Variants in CNTN5 observed in about 807,000 individuals in gnomAD.
CNTN5 encodes the protein contactin 5.
A neutral mutation model predicts 129.1 loss-of-function variants in CNTN5; 77 were observed. The observed-to-expected ratio is 0.60, with a 90% CI of 0.50 to 0.72. The LOEUF is 0.72. Among genes scored for constraint, CNTN5 ranks in the 30% least tolerant of loss-of-function variants. The probability of loss-of-function intolerance (pLI) is 0.00; values close to 1 mark genes in which losing one functional copy is unlikely to be tolerated. For missense variants in CNTN5, 1,478 were observed against 1,328.8 expected (o/e 1.11, Z -1.75); for synonymous variants, 509 against 465.6 (o/e 1.09, Z -1.20).
intron 2 of CNTN5, among the ~76,000 whole-genome samples, chr11:99,495,992 A>T (rs1591163151): frequency 6.6e-6 from 1 of 152,196 alleles, no homozygotes; most frequent in Non-Finnish European, 1.5e-5. Context: ...AAGAAGAGCA[A>T]TGTGGGAAAG....
intron 1 of CNTN5, among the ~76,000 whole-genome samples, chr11:99,159,437 G>A (rs898603746): frequency 2.6e-5 from 4 of 151,996 alleles, no homozygotes; most frequent in African/African-American, 7.2e-5. Context: ...CCTGGCTAAC[G>A]CGGTGAAGCC....
At chr11:100,007,929 T>C (rs573616886) in intron 9 of CNTN5, among the ~76,000 whole-genome samples, 1 of 152,074 alleles carries the variant, frequency 6.6e-6, no homozygotes, top group Non-Finnish European at 1.5e-5. Flanking sequence ...TCCTTTCACT[T>C]GAACACTTAG....
intron 7 of CNTN5, among the ~76,000 whole-genome samples, chr11:99,949,963 A>G (rs1456832030): frequency 2.0e-5 from 3 of 152,210 alleles, no homozygotes; most frequent in Non-Finnish European, 4.4e-5. Flanking sequence ...TCTTGGTGAC[A>G]TAATTATGAA....
intron 2 of CNTN5, among the ~76,000 whole-genome samples, chr11:99,473,898 C>T (rs926583207): frequency 2.6e-5 from 4 of 152,016 alleles, no homozygotes; most frequent in Non-Finnish European, 5.9e-5. Flanking sequence ...AAATAATCAG[C>T]TTGCCACACT....
intron 2 of CNTN5, among the ~76,000 whole-genome samples, chr11:99,426,597 C>T (rs1943131462): frequency 6.6e-6 from 1 of 152,114 alleles, no homozygotes; most frequent in South Asian, 2.1e-4. Context: ...GACACACTGG[C>T]ACAAATGCTG....
intron 3 of CNTN5, among the ~76,000 whole-genome samples, chr11:99,788,957 A>G (rs1304104166): frequency 1.8e-4 from 28 of 151,896 alleles, no homozygotes; most frequent in Admixed American, 1.8e-3. Flanking sequence ...GAGCCTCTCA[A>G]AATCTAGTAG....
chr11:100,149,298 T>C (rs754701428), intron 13 of CNTN5, among the ~76,000 whole-genome samples: 5 of 152,094 alleles, frequency 3.3e-5, no homozygotes, highest in African/African-American at 9.7e-5. Flanking sequence ...ACCTTGAAAA[T>C]AGCTAAATGA....
intron 2 of CNTN5, among the ~76,000 whole-genome samples, chr11:99,362,602 A>C (rs997109686): frequency 7.2e-5 from 11 of 151,780 alleles, no homozygotes; most frequent in African/African-American, 2.4e-5. Context: ...TAAGAGTTTT[A>C]TAGTTTTAGC....
chr11:100,052,303 C>G (rs999338745), intron 9 of CNTN5, among the ~76,000 whole-genome samples: 3 of 151,654 alleles, frequency 2.0e-5, no homozygotes, highest in African/African-American at 7.3e-5. Context: ...TTCCCCTTTC[C>G]TTTTATCACC....
At chr11:99,913,706 G>A (rs1417368884) in intron 6 of CNTN5, among the ~76,000 whole-genome samples, 1 of 151,998 alleles carries the variant, frequency 6.6e-6, no homozygotes, top group African/African-American at 2.4e-5. Flanking sequence ...GGGCATGCCT[G>A]TACTTCAATT....
At chr11:99,172,855 A>C (rs1861209071) in intron 1 of CNTN5, among the ~76,000 whole-genome samples, 1 of 152,196 alleles carries the variant, frequency 6.6e-6, no homozygotes, top group Admixed American at 6.5e-5. Context: ...CCAAAATAGT[A>C]ACTTATTTGA....
intron 7 of CNTN5, among the ~76,000 whole-genome samples, chr11:99,946,881 TATG>T (rs1484674653): frequency 2.6e-5 from 4 of 152,058 alleles, no homozygotes; most frequent in East Asian, 1.9e-4. Flanking sequence ...TCTAGTAAGA[TATG>T]ATGATGTCTA....
rs1004109056 is a variant in CNTN5 at position 99,428,911 on chromosome 11, T to C, written c.-71+103427T>C. ...AGTTTTTTGCCAATAACCCAGGATT[T>C]AGCAATTTTCATTAAATCAGTAATA... On this transcript the variant is annotated intron_variant, in intron 2 of 24. Coordinates refer to ENST00000524871, the MANE Select transcript of CNTN5 (RefSeq NM_014361.4). 4.6e-5 allele frequency among the ~76,000 whole-genome samples: 7 copies of C among 152,212 alleles called. 2 individuals are homozygous for C. The highest frequency in any genetic ancestry group is 4.6e-4 in the Admixed American group (7 of 15,282).
intron 1 of CNTN5, among the ~76,000 whole-genome samples, chr11:99,252,357 C>A (rs571557026): frequency 1.6e-4 from 24 of 151,776 alleles, no homozygotes; most frequent in Non-Finnish European, 3.2e-4. Flanking sequence ...AAAAAACACA[C>A]AAAAAAACCC....
intron 1 of CNTN5, among the ~76,000 whole-genome samples, chr11:99,190,720 T>G (rs1858595815): frequency 6.6e-6 from 1 of 151,704 alleles, no homozygotes; most frequent in African/African-American, 2.4e-5. Context: ...ATGATACTGA[T>G]TTTTATATTT....
chr11:99,072,059 AT>A (rs1218424941), intron 1 of CNTN5, among the ~76,000 whole-genome samples: 4 of 152,152 alleles, frequency 2.6e-5, no homozygotes, highest in Non-Finnish European at 4.4e-5. Context: ...GTATATTTCC[AT>A]TTATATGAAG....
At chr11:99,937,479 C>T (rs1365325952) in intron 7 of CNTN5, among the ~76,000 whole-genome samples, 2 of 152,188 alleles carry the variant, frequency 1.3e-5, no homozygotes, top group African/African-American at 2.4e-5. Flanking sequence ...GCTCAATCAG[C>T]ACAGTCTGAA....
intron 6 of CNTN5, among the ~76,000 whole-genome samples, chr11:99,850,045 C>A (rs1161103355): frequency 2.6e-5 from 4 of 152,062 alleles, no homozygotes; most frequent in Non-Finnish European, 5.9e-5. Context: ...AATAAGCATG[C>A]AATCATAGTG....
intron 2 of CNTN5, among the ~76,000 whole-genome samples, chr11:99,368,848 A>G (rs1939632115): frequency 6.6e-6 from 1 of 152,096 alleles, no homozygotes; most frequent in Non-Finnish European, 1.5e-5. Context: ...AGAGAGAGTG[A>G]ACTCACATCG....
Sources: allele counts gnomAD v4.1 joint callset (sites outside exome capture counted in the v4.1 genomes callset), GRCh38; gene constraint gnomAD v4.1.1; transcripts MANE v1.5; gene names NCBI Gene and HGNC (gene_info 2026-07-23, HGNC 2026-07-21).